CD72: variants seen among roughly 807,000 people sequenced by gnomAD.
CD72 encodes B-cell differentiation antigen CD72.
A neutral mutation model predicts 50.7 loss-of-function variants in CD72; 28 were observed. The observed-to-expected ratio is 0.55, with a 90% confidence interval of 0.41 to 0.76. The LOEUF (loss-of-function observed/expected upper bound fraction) is 0.76, where lower values mean the gene tolerates loss of function less well. Ranked by LOEUF, CD72 falls within the 30% of genes least tolerant of loss-of-function variation. CD72 has a pLI of 0.00. For missense variants in CD72, 403 were observed against 420.6 expected (o/e 0.96, Z 0.37); for synonymous variants, 176 against 171.2 (o/e 1.03, Z -0.22).
chr9:35,613,587 C>G (rs1356348604), intron 5 of CD72, among the ~76,000 whole-genome samples: 1 of 152,154 alleles, frequency 6.6e-6, no homozygotes, highest in Non-Finnish European at 1.5e-5. Context: ...TTCCATCAGT[C>G]CTACCTTCAT....
intron 5 of CD72, among the ~76,000 whole-genome samples, chr9:35,614,250 T>C (rs565640937): frequency 6.6e-6 from 1 of 152,364 alleles, no homozygotes; most frequent in East Asian, 1.9e-4. Context: ...ATTCCATAAC[T>C]GTTTATGTAA....
chr9:35,640,777 T>G (rs1823333401), intron 1 of CD72, among the ~76,000 whole-genome samples: 1 of 151,882 alleles, frequency 6.6e-6, no homozygotes, highest in Admixed American at 6.6e-5. Context: ...TTTAATAGAG[T>G]GAAAACAGAG....
intron 1 of CD72, among the ~76,000 whole-genome samples, chr9:35,637,435 C>T (rs1490500607): frequency 1.3e-5 from 2 of 152,174 alleles, no homozygotes; most frequent in African/African-American, 2.4e-5. Flanking sequence ...CCTACAACCT[C>T]GGGTCCTCAG....
chr9:35,619,750 G>A (rs533742999), upstream of CD72, among the ~76,000 whole-genome samples: 2 of 152,358 alleles, frequency 1.3e-5, no homozygotes, highest in East Asian at 3.9e-4. Flanking sequence ...GTCAGAGCCT[G>A]CCTGGAGGAG....
upstream of CD72, among the ~76,000 whole-genome samples, chr9:35,622,256 C>G (rs1823151445): frequency 6.6e-6 from 1 of 152,142 alleles, no homozygotes. Context: ...AATGGGCCAC[C>G]TGATTGCACC....
intron 1 of CD72, among the ~76,000 whole-genome samples, chr9:35,629,020 A>T (rs1823220130): frequency 6.6e-6 from 1 of 151,990 alleles, no homozygotes; most frequent in Non-Finnish European, 1.5e-5. Context: ...GACTAAAGGC[A>T]TGCACCACAA....
At chr9:35,616,396 A>G in intron 4 of CD72, 118 bp from the exon 5 acceptor site, 1 of 882,094 alleles carries the variant, frequency 1.1e-6, no homozygotes, top group South Asian at 1.6e-5. Flanking sequence ...GCTGAAATAC[A>G]AGATTTGACT....
At chr9:35,625,945 G>C (rs574626358) in intron 1 of CD72, among the ~76,000 whole-genome samples, 2 of 152,172 alleles carry the variant, frequency 1.3e-5, no homozygotes, top group African/African-American at 2.4e-5. Flanking sequence ...TTGGCAATGT[G>C]CCTAGTCACC....
chr9:35,611,166 G>T lies in CD72; in HGVS notation c.951-413C>A, dbSNP rs575529151. Reference sequence around the variant, plus strand: ...CTGGGGAGGCTGAGGCAGGAGAATGGTGTGAACCCCTGAGGCGGAGCTTGC... The same window carrying T: ...CTGGGGAGGCTGAGGCAGGAGAATGTTGTGAACCCCTGAGGCGGAGCTTGC... On this transcript the variant is annotated intron_variant, in intron 7 of 8. Coordinates refer to ENST00000259633, the MANE Select transcript of CD72 (RefSeq NM_001782.3). Among the ~76,000 whole-genome samples the T allele has an allele frequency of 8.5e-5, 13 of 152,168 alleles. No homozygotes were observed. In the East Asian group the frequency reaches 2.5e-3, roughly 29 times the overall value.
At position 35,617,157 on chromosome 9, in the gene CD72, C is replaced by T. The variant is rs1461814955; in HGVS notation, c.262+19G>A. 4 of 1,555,586 alleles carry T rather than the reference C, an allele frequency of 2.6e-6. No individual in the cohort carries two copies. Among genetic ancestry groups the T allele is most frequent in the Admixed American group, 1.9e-5 (1 of 51,720 alleles). ...CGCGAGCACTTGGCCCCGCGGCTGC[C>T]CCGCACAGGCACACTCACAGGGGAG... is the stretch of plus-strand genomic sequence containing the variant. On this transcript the variant is annotated intron_variant, in intron 3 of 8. Transcript: ENST00000259633.
intron 6 of CD72, 191 bp downstream of exon 6, chr9:35,612,657 T>A: frequency 3.6e-6 from 2 of 559,768 alleles, no homozygotes; most frequent in South Asian, 2.6e-5. Context: ...AGGGGCTGCC[T>A]GGACCACTGT....
chr9:35,645,838 C>A (rs1823387469), intron 1 of CD72, among the ~76,000 whole-genome samples: 1 of 151,776 alleles, frequency 6.6e-6, no homozygotes, highest in Admixed American at 6.6e-5. Context: ...GGATGGCTTC[C>A]AAAGACCCTC....
intron 7 of CD72, 51 bp downstream of exon 7, chr9:35,611,753 T>C (rs1207551937): frequency 2.1e-6 from 2 of 962,334 alleles, no homozygotes; most frequent in African/African-American, 3.2e-5. Context: ...ACCATGTCTT[T>C]ATGGAGGGGA....
chr9:35,645,963 C>G (rs112231546), intron 1 of CD72, among the ~76,000 whole-genome samples: 108 of 152,122 alleles, frequency 7.1e-4, no homozygotes, highest in African/African-American at 2.4e-3. Context: ...AGTTCACCAG[C>G]CTGCCCAACA....
At chr9:35,638,205 C>T (rs954125443) in intron 1 of CD72, among the ~76,000 whole-genome samples, 6 of 152,078 alleles carry the variant, frequency 3.9e-5, no homozygotes, top group Admixed American at 3.9e-4. Flanking sequence ...CGACTTGTCC[C>T]AAATCCTCCT....
chr9:35,617,487 T>C (rs1158539703), intron 2 of CD72, among the ~76,000 whole-genome samples: 1 of 152,070 alleles, frequency 6.6e-6, no homozygotes, highest in Non-Finnish European at 1.5e-5. Context: ...TAGTTCTCCC[T>C]TTATCGTTTC....
At chr9:35,616,813 G>T in intron 3 of CD72, 124 bp from the exon 4 acceptor site, 1 of 1,014,092 alleles carries the variant, frequency 9.9e-7, no homozygotes, top group Non-Finnish European at 1.5e-6. Context: ...GTGCAGAGCT[G>T]AGGGGGCAAG....
chr9:35,645,709 C>T (rs1823386265), intron 1 of CD72, among the ~76,000 whole-genome samples: 1 of 152,108 alleles, frequency 6.6e-6, no homozygotes, highest in Admixed American at 6.5e-5. Context: ...AATTAAAAAA[C>T]ACTTGGTTTC....
intron 1 of CD72, among the ~76,000 whole-genome samples, chr9:35,631,601 C>T (rs879527253): frequency 6.6e-6 from 1 of 152,082 alleles, no homozygotes; most frequent in Non-Finnish European, 1.5e-5. Context: ...CCAGTTTAAA[C>T]GGCATAGAAC....
Sources: allele counts gnomAD v4.1 joint callset (sites outside exome capture counted in the v4.1 genomes callset), GRCh38; gene constraint gnomAD v4.1.1; transcripts MANE v1.5; gene names NCBI Gene and HGNC (gene_info 2026-07-23, HGNC 2026-07-21).